Variants in WDFY3 observed in about 807,000 individuals in gnomAD.
WDFY3 encodes the protein WD repeat and FYVE domain-containing protein 3.
Under a neutral mutation model 409.6 loss-of-function variants are expected in WDFY3, and 66 were observed. The ratio of observed to expected loss-of-function variants is 0.16; its 90% CI spans 0.13 to 0.20. The LOEUF (loss-of-function observed/expected upper bound fraction) is 0.20, where lower values mean the gene tolerates loss of function less well. Among genes scored for constraint, WDFY3 ranks in the 10% least tolerant of loss-of-function variants. The pLI is 1.00. For missense variants in WDFY3, 3,031 were observed against 4,298.1 expected, an observed-to-expected ratio of 0.71 and a Z score of 8.24; for synonymous variants, 1,521 against 1,537.1, an observed-to-expected ratio of 0.99 and a Z score of 0.25.
At chr4:84,790,067 G>C (rs533742664) in intron 21 of WDFY3, among the ~76,000 whole-genome samples, 160 bp from the exon 22 acceptor site, 2 of 151,952 alleles carry the variant, frequency 1.3e-5, no homozygotes, top group African/African-American at 2.4e-5. Context: ...ATGATAATGC[G>C]GGTTGGGCAC....
intron 9 of WDFY3, among the ~76,000 whole-genome samples, chr4:84,828,714 C>T (rs1409649373): frequency 6.6e-6 from 1 of 152,104 alleles, no homozygotes; most frequent in Admixed American, 6.5e-5. Context: ...CTGGGCAACA[C>T]AGCGAGATCC....
At chr4:84,673,133 T>A in intron 67 of WDFY3, 142 bp from the exon 68 acceptor site, 1 of 1,051,416 alleles carries the variant, frequency 9.5e-7, no homozygotes, top group Non-Finnish European at 1.3e-6. Context: ...GAACAAGGAC[T>A]AAAAGGAAAG....
chr4:84,770,155 A>C lies in WDFY3; in HGVS notation c.4849+2680T>G, dbSNP rs1412007942. The stretch of plus-strand genomic sequence containing the variant: ...GCCATTCTCCTGCCTCAGCCTCCTG[A>C]GTAGCTGGGACCACAGGCGCCCACC... On this transcript the variant is annotated intron_variant, in intron 30 of 67. Transcript: ENST00000295888. Among the ~76,000 whole-genome samples, 3 of 151,634 alleles carry C rather than the reference A, an allele frequency of 2.0e-5. No homozygotes were observed. The South Asian group carries it at 6.2e-4, about 31-fold the overall frequency.
intron 3 of WDFY3, among the ~76,000 whole-genome samples, chr4:84,883,232 T>C: frequency 6.6e-6 from 1 of 152,190 alleles, no homozygotes; most frequent in East Asian, 1.9e-4. Flanking sequence ...GTTGATCACA[T>C]GTAGCCTATT....
At chr4:84,722,915 G>A (rs191529984) in intron 46 of WDFY3, among the ~76,000 whole-genome samples, 1 of 152,314 alleles carries the variant, frequency 6.6e-6, no homozygotes, top group African/African-American at 2.4e-5. Context: ...AAATCCTGCA[G>A]AGAACATCCA....
intron 30 of WDFY3, among the ~76,000 whole-genome samples, chr4:84,766,835 T>A (rs149928909): frequency 6.6e-6 from 1 of 152,314 alleles, no homozygotes; most frequent in African/African-American, 2.4e-5. Flanking sequence ...TAGAATTAAA[T>A]AGCACAGAAG....
intron 1 of WDFY3, among the ~76,000 whole-genome samples, chr4:84,947,703 C>T (rs1433371884): frequency 6.9e-5 from 9 of 130,194 alleles, no homozygotes; most frequent in Non-Finnish European, 1.4e-4. Context: ...AAAAACCCCA[C>T]ATCTACCAAA....
rs565593327 is a variant in WDFY3 at position 84,708,786 on chromosome 4, C to T, written c.8217+123G>A. ...AAAATCCTGGGCTCAAGTGATTCGC[C>T]TCTCTTAGCCTCCCAAAGTGCTAGG... is the stretch of plus-strand genomic sequence containing the variant. On this transcript the variant is annotated intron_variant, in intron 53 of 67. Transcript: ENST00000295888. 2.6e-5 allele frequency: 27 copies of T among 1,044,076 alleles called. No individual in the cohort carries two copies. The East Asian group carries it at 6.9e-4, about 27-fold the overall frequency. 64.7% of individuals were successfully genotyped at this position (1,044,076 alleles called of 1,614,324 possible). A position where few individuals can be genotyped will look rare whatever the true frequency, so the allele number is the denominator to read the frequency against.
intron 15 of WDFY3, among the ~76,000 whole-genome samples, chr4:84,807,414 A>G (rs1352301264): frequency 1.3e-5 from 2 of 152,218 alleles, no homozygotes; most frequent in Admixed American, 6.5e-5. Flanking sequence ...CTATGCAAAT[A>G]TGTTGAAATA....
At chr4:84,849,390 G>A (rs960356807) in intron 5 of WDFY3, among the ~76,000 whole-genome samples, 1 of 151,968 alleles carries the variant, frequency 6.6e-6, no homozygotes, top group Non-Finnish European at 1.5e-5. Context: ...ATTTCATCAA[G>A]GAAGCATGAC....
At chr4:84,865,244 C>G (rs983293098) in intron 3 of WDFY3, among the ~76,000 whole-genome samples, 1 of 152,210 alleles carries the variant, frequency 6.6e-6, no homozygotes, top group African/African-American at 2.4e-5. Context: ...CAAATACTAT[C>G]TCACTATATA....
chr4:84,747,522 T>C (rs911862869), intron 36 of WDFY3, among the ~76,000 whole-genome samples: 3 of 152,168 alleles, frequency 2.0e-5, no homozygotes, highest in East Asian at 1.9e-4. Flanking sequence ...ATGGTTGGCA[T>C]AGAGTCCAGT....
rs139404569 is a variant in WDFY3 at position 84,777,566 on chromosome 4, T to C, written c.4518+937A>G. ...TGAGTACAGGCCATAGATTTTTATT[T>C]AGGGGGAAGCTTCTAGTAAGCTTTG... On this transcript the variant is annotated intron_variant, in intron 27 of 67. Coordinates refer to ENST00000295888, the MANE Select transcript of WDFY3 (RefSeq NM_014991.6). Among the ~76,000 whole-genome samples the C allele has an allele frequency of 5.3e-5, 8 of 152,116 alleles. No individual in the cohort carries two copies. The East Asian group carries it at 1.5e-3, about 29-fold the overall frequency.
Position 84,721,463 on chromosome 4 carries a change from C to G in WDFY3, c.7551G>C (p.Glu2517Asp), listed in dbSNP as rs1446158113. Residue 2517 changes from glutamate to aspartate, a missense_variant, in exon 47 of 68, where the codon GAG (glutamate) becomes GAC (aspartate). By Grantham distance (45) the Glu-to-Asp change is conservative. Around this residue, in one of 16 missense-constraint regions of WDFY3, gnomAD observed 17 missense variants for 36.7 expected, o/e 0.46. Transcript: ENST00000295888. ...AGGTAGCATTATCTGTTTTCTCCTC[C>G]TCTTCTATGGAGCTGCCCTCAGCAA... The part of the protein sequence containing the change: ...DQIAEGSSIE[E>D]EEKTDNATLL... 9 of 1,613,514 alleles carry G rather than the reference C, an allele frequency of 5.6e-6. No homozygotes were observed. In the African/African-American group the frequency reaches 1.2e-4, roughly 22 times the overall value.
chr4:84,684,943 A>C (rs1296780024), intron 62 of WDFY3, among the ~76,000 whole-genome samples: 1 of 152,236 alleles, frequency 6.6e-6, no homozygotes, highest in Admixed American at 6.5e-5. Flanking sequence ...TCTAGTTAAC[A>C]CAGCAACCTT....
At chr4:84,823,027 T>C (rs904622010) in intron 10 of WDFY3, among the ~76,000 whole-genome samples, 3 of 152,116 alleles carry the variant, frequency 2.0e-5, no homozygotes, top group African/African-American at 7.2e-5. Context: ...TCAAAAGACT[T>C]AGAATAGCCA....
chr4:84,691,347 C>G (rs145820311), intron 60 of WDFY3, among the ~76,000 whole-genome samples: 5 of 152,044 alleles, frequency 3.3e-5, no homozygotes, highest in African/African-American at 1.2e-4. Flanking sequence ...TAGGATCTCT[C>G]GGAGGAATTC....
At position 84,796,511 on chromosome 4, in the gene WDFY3, A is replaced by T. The variant is rs201155942; in HGVS notation, c.3167+10T>A. 1.3e-6 allele frequency: 2 copies of T among 1,522,064 alleles called. No homozygotes were observed. The highest frequency in any genetic ancestry group is 4.1e-5 in the Admixed American group (2 of 49,202). 94.3% of individuals were successfully genotyped at this position (1,522,064 alleles called of 1,614,324 possible). ...AACCATAAAGGTTGGCTTCCTTGCA[A>T]ATTTCTTACCCAAACCCTTCAAGTG... On this transcript the variant is annotated intron_variant, in intron 19 of 67. Transcript: ENST00000295888.
Position 84,782,579 on chromosome 4 carries a change from T to A in WDFY3, c.4174+384A>T, listed in dbSNP as rs545550458. Among the ~76,000 whole-genome samples, 8 of 152,270 alleles carry A rather than the reference T, an allele frequency of 5.3e-5. No individual in the cohort carries two copies. In the South Asian group the frequency reaches 1.7e-3, roughly 32 times the overall value. ...CAGGCCCTGGTATGTGATGTTCCCG[T>A]CCCTGTGTCCGTATGTTCTCATTGT... On this transcript the variant is annotated intron_variant, in intron 25 of 67. Transcript: ENST00000295888.
Sources: allele counts gnomAD v4.1 joint callset (sites outside exome capture counted in the v4.1 genomes callset), GRCh38; gene constraint gnomAD v4.1.1; regional missense constraint gnomAD v4.1.1; transcripts MANE v1.5; gene names NCBI Gene and HGNC (gene_info 2026-07-23, HGNC 2026-07-21).